VTCN1: variants seen among roughly 807,000 people sequenced by gnomAD.
VTCN1 encodes V-set domain-containing T-cell activation inhibitor 1.
Under a neutral mutation model 26.5 loss-of-function variants are expected in VTCN1, and 26 were observed. That is an observed-to-expected ratio of 0.98 (90% confidence interval 0.72 to 1.36). The LOEUF is 1.36. VTCN1 is among the 40% of genes most tolerant of loss of function. The probability of loss-of-function intolerance (pLI) is 0.00; values close to 1 mark genes in which losing one functional copy is unlikely to be tolerated. For missense variants in VTCN1, 298 were observed against 337.7 expected, an observed-to-expected ratio of 0.88 and a Z score of 0.92; for synonymous variants, 116 against 130.7, an observed-to-expected ratio of 0.89 and a Z score of 0.77.
chr1:117,150,144 T>C (rs917221401), intron 4 of VTCN1, among the ~76,000 whole-genome samples: 2 of 152,194 alleles, frequency 1.3e-5, no homozygotes, highest in African/African-American at 4.8e-5. Context: ...CCTTCTCTTC[T>C]GGGAAGGCCT....
intron 1 of VTCN1, among the ~76,000 whole-genome samples, chr1:117,199,596 G>T (rs918694087): frequency 1.1e-4 from 16 of 151,546 alleles, no homozygotes; most frequent in Non-Finnish European, 1.3e-4. Context: ...AAAGTGCTGG[G>T]ATTACAGGCG....
At chr1:117,188,776 C>G (rs1394666009) in intron 1 of VTCN1, among the ~76,000 whole-genome samples, 1 of 152,154 alleles carries the variant, frequency 6.6e-6, no homozygotes, top group Admixed American at 6.5e-5. Context: ...CCATTGAAAG[C>G]AGTTCGTATT....
chr1:117,201,472 T>C (rs913044650), intron 1 of VTCN1, among the ~76,000 whole-genome samples: 7 of 152,196 alleles, frequency 4.6e-5, no homozygotes, highest in African/African-American at 1.4e-4. Context: ...TCTGGAATCC[T>C]GATCTCCCCC....
intron 4 of VTCN1, among the ~76,000 whole-genome samples, chr1:117,150,234 T>C (rs759182280): frequency 2.0e-5 from 3 of 152,214 alleles, no homozygotes; most frequent in Non-Finnish European, 2.9e-5. Context: ...GAATGTAGAA[T>C]GAGACTGATG....
rs747307412 is a variant in VTCN1 at position 117,156,908 on chromosome 1, G to A, written c.111C>T (p.Ile37=). The A allele has an allele frequency of 2.5e-6, 4 of 1,614,084 alleles. No individual in the cohort carries two copies. The highest frequency in any genetic ancestry group is 2.2e-5 in the East Asian group (1 of 44,884). The change falls in exon 3 of 6, where the codon ATC becomes ATT. Residue 37 remains isoleucine, a synonymous_variant. Transcript: ENST00000369458. The part of the protein sequence containing the change: ...IGFGISGRHS[I]TVTTVASAGN... The stretch of plus-strand genomic sequence containing the variant: ...CAGCTGAGGCGACAGTAGTGACTGT[G>A]ATGGAGTGTCTCCCTGCAGTTCAGG...
rs964651784 is a variant in VTCN1 at position 117,183,545 on chromosome 1, C to T, written c.33-13374G>A. On this transcript the variant is annotated intron_variant, in intron 1 of 5. Transcript: ENST00000369458. This position sits in a 1 kb window ranked among gnomAD's most constrained non-coding sequence, Gnocchi z 4.1. ...TAACAAAATGCCTTGGAGGGTTGTA[C>T]ATGGAAGACCTGGTTGGCTGTGGCT... is the stretch of plus-strand genomic sequence containing the variant. Among the ~76,000 whole-genome samples the T allele has an allele frequency of 6.6e-6, 1 of 152,126 alleles. No individual in the cohort carries two copies. Among genetic ancestry groups the T allele is most frequent in the African/African-American group, 2.4e-5 (1 of 41,432 alleles).
intron 1 of VTCN1, among the ~76,000 whole-genome samples, chr1:117,194,536 A>T (rs1405977166): frequency 6.6e-6 from 1 of 152,244 alleles, no homozygotes; most frequent in Non-Finnish European, 1.5e-5. Context: ...TCCAAAGGAA[A>T]TGTAATCAAT....
intron 4 of VTCN1, among the ~76,000 whole-genome samples, chr1:117,151,478 C>T (rs1651793472): frequency 6.6e-6 from 1 of 152,200 alleles, no homozygotes; most frequent in African/African-American, 2.4e-5. Flanking sequence ...CGGGTTGCTG[C>T]TGCTGGCTCC....
At position 117,169,468 on chromosome 1, in the gene VTCN1, T is replaced by C. The variant is rs1570956468; in HGVS notation, c.97+639A>G. 6.6e-6 allele frequency among the ~76,000 whole-genome samples: 1 copy of C among 152,196 alleles called. No individual in the cohort carries two copies. The highest frequency in any genetic ancestry group is 2.4e-5 in the African/African-American group (1 of 41,446). ...CCAGGCCAACCGCTGACAGAATGGC[T>C]CAGAGGCAGCACTTCACCTATGATC... On this transcript the variant is annotated intron_variant, in intron 2 of 5. Coordinates refer to ENST00000369458, the MANE Select transcript of VTCN1 (RefSeq NM_024626.4). The surrounding 1 kb of genome is among the most constrained non-coding windows in gnomAD (Gnocchi z 4.0).
intron 2 of VTCN1, among the ~76,000 whole-genome samples, chr1:117,160,636 T>G (rs1265448109): frequency 6.6e-6 from 1 of 152,206 alleles, no homozygotes. Context: ...ACTACATCCT[T>G]TCATAGTCCA....
Position 117,147,812 on chromosome 1 carries a change from A to G in VTCN1, c.725-30T>C. 1 of 1,606,694 alleles carries G rather than the reference A, an allele frequency of 6.2e-7. No individual in the cohort carries two copies. On this transcript the variant is annotated intron_variant, in intron 4 of 5. Coordinates refer to ENST00000369458, the MANE Select transcript of VTCN1 (RefSeq NM_024626.4). The surrounding 1 kb of genome is among the most constrained non-coding windows in gnomAD (Gnocchi z 4.6). ...GAAGTGAGAGAAAAAGTTTAGGGTC[A>G]TACAGGAGAAGCTGGATGTCTTCTT...
rs10657719 is a variant in VTCN1 at position 117,178,588 on chromosome 1, G to GTTTTTT, written c.33-8423_33-8418dup. 5.1e-4 allele frequency among the ~76,000 whole-genome samples: 45 copies of GTTTTTT among 88,258 alleles called. 8 individuals are homozygous for GTTTTTT. The highest frequency in any genetic ancestry group is 1.2e-3 in the African/African-American group (24 of 20,504). The allele number at this position is 88,258 out of a possible 152,430, so 57.9% of individuals were successfully genotyped here. A position where few individuals can be genotyped will look rare whatever the true frequency, so the allele number is the denominator to read the frequency against. On this transcript the variant is annotated intron_variant, in intron 1 of 5. Transcript: ENST00000369458. ...TTCAGTGTTTTCTTTTCTTTCTTTC[G>GTTTTTT]TTTTTTTTTTTTTTTTTTTTTTAGA...
At chr1:117,170,619 T>C (rs1179182983) in intron 1 of VTCN1, among the ~76,000 whole-genome samples, 1 of 152,198 alleles carries the variant, frequency 6.6e-6, no homozygotes, top group Non-Finnish European at 1.5e-5. Flanking sequence ...TTAAGGACAA[T>C]GGTCACATCT....
chr1:117,181,795 C>T (rs932728120), intron 1 of VTCN1, among the ~76,000 whole-genome samples: 18 of 152,120 alleles, frequency 1.2e-4, no homozygotes, highest in African/African-American at 3.9e-4. Context: ...CTGTGAGGGA[C>T]GTGCATTTCA....
In VTCN1 at chr1:117,147,885, G is replaced by T. The variant is rs775371229; in HGVS notation, c.725-103C>A. On this transcript the variant is annotated intron_variant, in intron 4 of 5. Transcript: ENST00000369458. The surrounding 1 kb of genome is among the most constrained non-coding windows in gnomAD (Gnocchi z 4.6). Reference sequence around the variant, plus strand: ...AAGTACCTGAAAAACAGAACAAGTTGTTCCTAATTCAGGCAATTTTTTACC... The same window carrying T: ...AAGTACCTGAAAAACAGAACAAGTTTTTCCTAATTCAGGCAATTTTTTACC... 12 of 1,477,796 alleles carry T rather than the reference G, an allele frequency of 8.1e-6. No individual in the cohort carries two copies. Among genetic ancestry groups the T allele is most frequent in the Admixed American group, 2.3e-5 (1 of 42,906 alleles). 91.5% of individuals were successfully genotyped at this position (1,477,796 alleles called of 1,614,324 possible).
intron 1 of VTCN1, among the ~76,000 whole-genome samples, chr1:117,200,546 C>A (rs1472632130): frequency 6.6e-6 from 1 of 152,152 alleles, no homozygotes; most frequent in Non-Finnish European, 1.5e-5. Flanking sequence ...TAAACATTAC[C>A]CTTTGAATAT....
At position 117,202,331 on chromosome 1, in the gene VTCN1, G is replaced by A. The variant is rs565571543; in HGVS notation, c.32+8493C>T. On this transcript the variant is annotated intron_variant, in intron 1 of 5. Transcript: ENST00000369458. ...CACCAGCAACCGGGTATAGAGAAAC[G>A]GAGGCTGAGAGACCAGCTTGATGTC... is the stretch of plus-strand genomic sequence containing the variant. Among the ~76,000 whole-genome samples the A allele has an allele frequency of 9.6e-4, 146 of 152,268 alleles. 1 individual carries two copies. The highest frequency in any genetic ancestry group is 3.4e-3 in the Middle Eastern group (1 of 294).
chr1:117,203,417 G>C (rs1205228574), intron 1 of VTCN1, among the ~76,000 whole-genome samples: 1 of 152,140 alleles, frequency 6.6e-6, no homozygotes, highest in Non-Finnish European at 1.5e-5. Context: ...ATCTTTCATG[G>C]TTTTTATCTA....
rs1183151645 is a variant in VTCN1, at chr1:117,159,708, C to A, written c.98-2787G>T. The stretch of plus-strand genomic sequence containing the variant: ...TCATGTTAACTAAATGTGGCCTAGT[C>A]ATTCTGAAAAATGCTGAATTCTAAA... On this transcript the variant is annotated intron_variant, in intron 2 of 5. Coordinates refer to ENST00000369458, the MANE Select transcript of VTCN1 (RefSeq NM_024626.4). This position sits in a 1 kb window ranked among gnomAD's most constrained non-coding sequence, Gnocchi z 4.7. Among the ~76,000 whole-genome samples the A allele has an allele frequency of 2.0e-5, 3 of 152,202 alleles. No homozygotes were observed. The highest frequency in any genetic ancestry group is 7.2e-5 in the African/African-American group (3 of 41,460).
Sources: allele counts gnomAD v4.1 joint callset (sites outside exome capture counted in the v4.1 genomes callset), GRCh38; gene constraint gnomAD v4.1.1; non-coding constraint Gnocchi (gnomAD v3.1); transcripts MANE v1.5; gene names NCBI Gene and HGNC (gene_info 2026-07-23, HGNC 2026-07-21).